IL19: variants seen among roughly 807,000 people sequenced by gnomAD.
The protein encoded by IL19 is interleukin-19.
Under a neutral mutation model 19.5 loss-of-function variants are expected in IL19, and 15 were observed. The observed-to-expected ratio is 0.77, with a 90% CI of 0.52 to 1.19. The LOEUF is 1.19. IL19 is among the 50% of genes most tolerant of loss of function. The probability of loss-of-function intolerance (pLI) is 0.00; values close to 1 mark genes in which losing one functional copy is unlikely to be tolerated. For synonymous variants in IL19, 78 were observed against 78.3 expected, an observed-to-expected ratio of 1.00 and a Z score of 0.02; for missense variants, 199 against 213.1, an observed-to-expected ratio of 0.93 and a Z score of 0.41.
At chr1:206,806,835 G>A (rs1291405459) in intron 2 of IL19, among the ~76,000 whole-genome samples, 1 of 152,076 alleles carries the variant, frequency 6.6e-6, no homozygotes, top group East Asian at 1.9e-4. Flanking sequence ...ACCCTTCTAA[G>A]CCATTTTGTA....
At chr1:206,791,475 G>C (rs1324753169) in intron 1 of IL19, among the ~76,000 whole-genome samples, 1 of 152,046 alleles carries the variant, frequency 6.6e-6, no homozygotes, top group Admixed American at 6.5e-5. Context: ...GCTAATTTTT[G>C]TATTTTTAGT....
intron 2 of IL19, among the ~76,000 whole-genome samples, chr1:206,816,498 T>A (rs933283863): frequency 1.3e-5 from 2 of 151,936 alleles, no homozygotes; most frequent in Non-Finnish European, 2.9e-5. Context: ...TATGAAACCC[T>A]AAAGCAGCCA....
intron 1 of IL19, among the ~76,000 whole-genome samples, chr1:206,796,752 A>G (rs925938802): frequency 1.3e-5 from 2 of 152,198 alleles, no homozygotes; most frequent in African/African-American, 4.8e-5. Flanking sequence ...TGTTTGCACA[A>G]TGACAAAACC....
intron 1 of IL19, among the ~76,000 whole-genome samples, chr1:206,777,495 T>TA (rs1381254238): frequency 6.6e-6 from 1 of 152,094 alleles, no homozygotes; most frequent in Admixed American, 6.5e-5. Context: ...CCCCATGCCT[T>TA]ACTGCAATTC....
At chr1:206,809,473 T>G (rs1242387867) in intron 2 of IL19, among the ~76,000 whole-genome samples, 1 of 152,164 alleles carries the variant, frequency 6.6e-6, no homozygotes, top group Non-Finnish European at 1.5e-5. Context: ...GTTGGCCAAC[T>G]GGGTAGAATA....
At chr1:206,827,997 C>T (rs1388585856) in intron 2 of IL19, among the ~76,000 whole-genome samples, 2 of 152,224 alleles carry the variant, frequency 1.3e-5, no homozygotes, top group Non-Finnish European at 2.9e-5. Context: ...ATGGATGCTT[C>T]ACACAGACCC....
At chr1:206,801,056 C>A (rs1013613491) in intron 2 of IL19, among the ~76,000 whole-genome samples, 1 of 152,124 alleles carries the variant, frequency 6.6e-6, no homozygotes, top group Non-Finnish European at 1.5e-5. Flanking sequence ...AAATTGCAAC[C>A]TTCCTCAGAA....
intron 2 of IL19, among the ~76,000 whole-genome samples, chr1:206,825,355 G>A (rs572625263): frequency 1.6e-4 from 24 of 152,360 alleles, no homozygotes; most frequent in African/African-American, 5.3e-4. Context: ...GAGTCAAAAT[G>A]ATTGAATTGC....
At chr1:206,773,385 G>T (rs1293908356) in intron 1 of IL19, among the ~76,000 whole-genome samples, 2 of 152,174 alleles carry the variant, frequency 1.3e-5, no homozygotes, top group African/African-American at 4.8e-5. Flanking sequence ...TGAAACCTTG[G>T]ATTAAATTGG....
chr1:206,826,678 T>G (rs1676441557), intron 2 of IL19, among the ~76,000 whole-genome samples: 1 of 152,126 alleles, frequency 6.6e-6, no homozygotes, highest in Non-Finnish European at 1.5e-5. Flanking sequence ...TCAACTGACA[T>G]GATTTATTTT....
intron 1 of IL19, among the ~76,000 whole-genome samples, chr1:206,797,779 A>G (rs1277956256): frequency 6.6e-6 from 1 of 152,150 alleles, no homozygotes; most frequent in Admixed American, 6.6e-5. Context: ...ACATGATGGG[A>G]GTCTGGAGAA....
intron 2 of IL19, among the ~76,000 whole-genome samples, chr1:206,813,035 G>C (rs1676055456): frequency 6.6e-6 from 1 of 152,158 alleles, no homozygotes; most frequent in South Asian, 2.1e-4. Context: ...GCATTTTGTT[G>C]GGAGGAAATG....
intron 1 of IL19, among the ~76,000 whole-genome samples, chr1:206,786,477 C>G (rs1675272010): frequency 6.6e-6 from 1 of 152,060 alleles, no homozygotes; most frequent in Non-Finnish European, 1.5e-5. Flanking sequence ...CTGGGGACTA[C>G]AAGGCAAGGT....
intron 1 of IL19, among the ~76,000 whole-genome samples, chr1:206,795,591 G>C (rs1203508312): frequency 6.6e-6 from 1 of 152,196 alleles, no homozygotes; most frequent in Non-Finnish European, 1.5e-5. Flanking sequence ...GGAAGGAGCT[G>C]TAGAGACTAG....
intron 1 of IL19, among the ~76,000 whole-genome samples, chr1:206,782,512 C>T (rs938210029): frequency 2.6e-5 from 4 of 152,184 alleles, no homozygotes; most frequent in African/African-American, 9.6e-5. Flanking sequence ...ACCCAAAGGG[C>T]ACCTGGCTTG....
chr1:206,834,435 A>G (rs1427891610), intron 2 of IL19: 1 of 985,472 alleles, frequency 1.0e-6, no homozygotes, highest in East Asian at 1.1e-4. Context: ...AGGGGCTCCT[A>G]TGCACCGCCA....
At chr1:206,792,047 G>A (rs1675420427) in intron 1 of IL19, among the ~76,000 whole-genome samples, 1 of 152,174 alleles carries the variant, frequency 6.6e-6, no homozygotes, top group African/African-American at 2.4e-5. Context: ...GCCACTCACG[G>A]GCAGATGCCC....
chr1:206,825,754 C>T (rs528330894), intron 2 of IL19, among the ~76,000 whole-genome samples: 40 of 152,354 alleles, frequency 2.6e-4, no homozygotes, highest in African/African-American at 9.1e-4. Context: ...CTCGCCAAAA[C>T]CCCGTGCAGG....
Position 206,794,971 on chromosome 1 carries a change from CA to C in IL19, c.-148-3886del, listed in dbSNP as rs561431956. On this transcript the variant is annotated intron_variant, in intron 1 of 6. Transcript: ENST00000659997. The stretch of plus-strand genomic sequence containing the variant: ...TCCTTCAGGGCAGGATGTGGGGTCC[CA>C]AAACTGCTTTGTGCCTGGCAGATCA... 3.7e-4 allele frequency among the ~76,000 whole-genome samples: 57 copies of C among 152,290 alleles called. 1 individual carries two copies. In the South Asian group the frequency reaches 9.3e-3, roughly 25 times the overall value.
Sources: gnomAD v4.1 joint callset for allele counts (sites outside exome capture counted in the v4.1 genomes callset) on GRCh38, gnomAD v4.1.1 for gene constraint, MANE v1.5 for transcripts, NCBI Gene and HGNC (gene_info 2026-07-23, HGNC 2026-07-21) for gene names.